The following PCNX1 variants were observed in gnomAD, a reference collection of about 807,000 sequenced individuals.
The protein encoded by PCNX1 is pecanex 1.
PCNX1 carries 78 observed loss-of-function variants against 242.2 expected under a neutral mutation model. The observed-to-expected ratio is 0.32, with a 90% CI of 0.27 to 0.39. The LOEUF is 0.39. Ranked by LOEUF, PCNX1 falls within the 10% of genes least tolerant of loss-of-function variation. The pLI is 1.00. For missense variants in PCNX1, 2,581 were observed against 2,856.5 expected, an observed-to-expected ratio of 0.90 and a Z score of 2.20; for synonymous variants, 1,024 against 1,032.9, an observed-to-expected ratio of 0.99 and a Z score of 0.17.
In PCNX1 at chr14:71,077,384, A is replaced by G. The variant is rs143826024; in HGVS notation, c.5337+965A>G. Among the ~76,000 whole-genome samples, 176 of 152,344 alleles carry G rather than the reference A, an allele frequency of 1.2e-3. 1 individual carries two copies. Among genetic ancestry groups the G allele is most frequent in the African/African-American group, 3.8e-3 (160 of 41,580 alleles). On this transcript the variant is annotated intron_variant, in intron 28 of 35. Transcript: ENST00000304743. ...CGTATGTACAGATGTACCTGCTATCATGGAGCAGTGTGAGCTACCTTGACA... is the reference window on the plus strand; with the variant it reads ...CGTATGTACAGATGTACCTGCTATCGTGGAGCAGTGTGAGCTACCTTGACA...
At chr14:71,035,961 G>A (rs913292110) in intron 18 of PCNX1, 104 bp from the exon 19 acceptor site, 1 of 722,816 alleles carries the variant, frequency 1.4e-6, no homozygotes, top group African/African-American at 1.8e-5. Context: ...GACTGAGCTA[G>A]CCAGGCAAAA....
Position 71,028,800 on chromosome 14 carries a change from T to C in PCNX1, c.3558+9T>C, listed in dbSNP as rs1475378733. The stretch of plus-strand genomic sequence containing the variant: ...GTTATGGGGCTTTAAAGGTGAGCAA[T>C]AAATTATAGTATGTTTTGTCTTTAA... On this transcript the variant is annotated intron_variant, in intron 16 of 35. Transcript: ENST00000304743. 1.3e-6 allele frequency: 2 copies of C among 1,490,122 alleles called. No individual in the cohort carries two copies. The highest frequency in any genetic ancestry group is 1.9e-6 in the Non-Finnish European group (2 of 1,079,642). 92.3% of individuals were successfully genotyped at this position (1,490,122 alleles called of 1,614,324 possible). A position where few individuals can be genotyped will look rare whatever the true frequency, so the allele number is the denominator to read the frequency against.
Position 70,978,256 on chromosome 14 carries a change from A to T in PCNX1, c.1919A>T (p.Tyr640Phe), listed in dbSNP as rs771209020. ...SHSCQSPEGR[Y>F]SALKTKHTHK... ...TCCTGTCAGTCTCCTGAGGGCAGAT[A>T]CAGTGCTCTAAAGACCAAACACACT... The change falls in exon 6 of 36, where the codon TAC (tyrosine) becomes TTC (phenylalanine). Residue 640 changes from tyrosine to phenylalanine, a missense_variant. Around this residue, in one of 9 missense-constraint regions of PCNX1, gnomAD observed 1,204 missense variants for 1,216.7 expected, o/e 0.99. Transcript: ENST00000304743. 10 of 1,614,136 alleles carry T rather than the reference A, an allele frequency of 6.2e-6. No homozygotes were observed. The highest frequency in any genetic ancestry group is 1.7e-5 in the Admixed American group (1 of 60,024).
rs563692084 is a variant in PCNX1, at chr14:70,986,931, A to G, written c.2312-1636A>G. 4.6e-5 allele frequency among the ~76,000 whole-genome samples: 7 copies of G among 152,344 alleles called. No individual in the cohort carries two copies. The South Asian group carries it at 6.2e-4, about 14-fold the overall frequency. On this transcript the variant is annotated intron_variant, in intron 6 of 35. Coordinates refer to ENST00000304743, the MANE Select transcript of PCNX1 (RefSeq NM_014982.3). ...AAATAATTCTTGAATTGAGTTTTAA[A>G]ATAGTGATTTAAATTCCATAACCTG...
chr14:70,976,614 C>T (rs1317851755), intron 5 of PCNX1, among the ~76,000 whole-genome samples: 2 of 152,184 alleles, frequency 1.3e-5, no homozygotes, highest in East Asian at 3.9e-4. Context: ...ACCTTGTGAT[C>T]CACCCACCTT....
chr14:70,957,346 A>G (rs1005054793), intron 2 of PCNX1, among the ~76,000 whole-genome samples: 1 of 152,304 alleles, frequency 6.6e-6, no homozygotes, highest in South Asian at 2.1e-4. Context: ...TGGACTTGCT[A>G]TCAAAAGTGA....
intron 30 of PCNX1, among the ~76,000 whole-genome samples, chr14:71,096,767 C>T (rs1447536887): frequency 6.6e-6 from 1 of 152,010 alleles, no homozygotes; most frequent in African/African-American, 2.4e-5. Context: ...AGGTTAGAGT[C>T]CAAGATTCTT....
chr14:71,082,097 G>T (rs1286524413), intron 28 of PCNX1, among the ~76,000 whole-genome samples: 1 of 152,102 alleles, frequency 6.6e-6, no homozygotes, highest in Non-Finnish European at 1.5e-5. Context: ...ATTTATTTCT[G>T]CCTTGATTTC....
At chr14:71,068,548 T>G (rs2141367221) in intron 26 of PCNX1, among the ~76,000 whole-genome samples, 1 of 148,966 alleles carries the variant, frequency 6.7e-6, no homozygotes. Flanking sequence ...CGTCCAGTCC[T>G]GGACTCTTTG....
intron 13 of PCNX1, among the ~76,000 whole-genome samples, chr14:71,025,067 CATT>C (rs1323475596): frequency 6.6e-6 from 1 of 152,128 alleles, no homozygotes; most frequent in East Asian, 1.9e-4. Context: ...ATTCAGTTAT[CATT>C]TATTGGTTGC....
chr14:71,113,389 G>GTAAGT lies in PCNX1; in HGVS notation c.*3456_*3460dup, dbSNP rs2062790883. ...ATACTAAATGTCAGGCAATGAAAAT[G>GTAAGT]TAAGTTTTTGTGTAGAAAACCCATT... On this transcript the variant is annotated 3_prime_UTR_variant, in exon 36 of 36. Transcript: ENST00000304743. 6.6e-6 allele frequency: 1 copy of GTAAGT among 151,566 alleles called. No individual in the cohort carries two copies. Among genetic ancestry groups the GTAAGT allele is most frequent in the Admixed American group, 6.6e-5 (1 of 15,248 alleles). The allele number at this position is 151,566 out of a possible 1,614,324, so 9.4% of individuals were successfully genotyped here.
chr14:70,955,431 T>C (rs2057954958), intron 2 of PCNX1, among the ~76,000 whole-genome samples: 1 of 152,208 alleles, frequency 6.6e-6, no homozygotes. Context: ...TGTAATGGTG[T>C]TGCAAAGTTT....
intron 32 of PCNX1, 119 bp downstream of exon 32, chr14:71,103,788 C>T (rs1045437671): frequency 1.4e-5 from 11 of 792,576 alleles, no homozygotes; most frequent in Non-Finnish European, 2.0e-6. Flanking sequence ...ACAATATGAA[C>T]CCATTATTTC....
chr14:71,051,984 C>T lies in PCNX1; in HGVS notation c.4549C>T (p.Pro1517Ser), dbSNP rs2061050240. The T allele has an allele frequency of 1.9e-6, 3 of 1,613,230 alleles. No homozygotes were observed. The highest frequency in any genetic ancestry group is 2.5e-6 in the Non-Finnish European group (3 of 1,179,490). Reference sequence around the variant, plus strand: ...AATATTCATCACTTCATATGTCCGACCTGTGAAATTCTGGGAGAGAGACTA... The same window carrying T: ...AATATTCATCACTTCATATGTCCGATCTGTGAAATTCTGGGAGAGAGACTA... ...SAIFITSYVR[P>S]VKFWERDYNT... The change falls in exon 24 of 36, where the codon CCT becomes TCT. Residue 1517 changes from proline to serine, a missense_variant. Pro to Ser is a moderately conservative substitution (Grantham distance 74). Around this residue, in one of 9 missense-constraint regions of PCNX1, gnomAD observed 99 missense variants for 147.3 expected, o/e 0.67. Coordinates refer to ENST00000304743, the MANE Select transcript of PCNX1 (RefSeq NM_014982.3).
At chr14:71,086,143 G>A (rs548734179) in intron 28 of PCNX1, among the ~76,000 whole-genome samples, 24 of 152,160 alleles carry the variant, frequency 1.6e-4, no homozygotes, top group Admixed American at 1.4e-3. Flanking sequence ...GCTTCATTTT[G>A]TGTCTCTAGA....
intron 5 of PCNX1, among the ~76,000 whole-genome samples, chr14:70,975,141 G>C (rs12892577): frequency 6.6e-6 from 1 of 151,968 alleles, no homozygotes; most frequent in Non-Finnish European, 1.5e-5. Context: ...GCTCAGAGTC[G>C]ATAAGTTTTC....
In PCNX1 at chr14:71,046,957, T is replaced by G; in HGVS notation, c.4019-7T>G. ...ACATGTAGTCTTGATTTATACTGCCTTGTTAGATGCAGCCACTATGATGTG... is the reference window on the plus strand; with the variant it reads ...ACATGTAGTCTTGATTTATACTGCCGTGTTAGATGCAGCCACTATGATGTG... On this transcript the variant is annotated splice_region_variant and splice_polypyrimidine_tract_variant and intron_variant, in intron 20 of 35. Coordinates refer to ENST00000304743, the MANE Select transcript of PCNX1 (RefSeq NM_014982.3). 1 of 1,603,924 alleles carries G rather than the reference T, an allele frequency of 6.2e-7. No homozygotes were observed. Among genetic ancestry groups the G allele is most frequent in the Non-Finnish European group, 8.5e-7 (1 of 1,175,256 alleles).
intron 35 of PCNX1, 101 bp from the exon 36 acceptor site, chr14:71,109,694 T>C: frequency 6.4e-7 from 1 of 1,574,094 alleles, no homozygotes; most frequent in South Asian, 1.1e-5. Flanking sequence ...ACGTATAATT[T>C]TCAGACAAAA....
intron 16 of PCNX1, among the ~76,000 whole-genome samples, chr14:71,031,201 C>T (rs763001711): frequency 1.3e-5 from 2 of 152,186 alleles, no homozygotes; most frequent in Non-Finnish European, 2.9e-5. Flanking sequence ...TGCAAATATG[C>T]AAATGGAGAA....
Sources: gnomAD v4.1 joint callset for allele counts (sites outside exome capture counted in the v4.1 genomes callset) on GRCh38, gnomAD v4.1.1 for gene constraint, gnomAD v4.1.1 regional missense constraint, MANE v1.5 for transcripts, NCBI Gene and HGNC (gene_info 2026-07-23, HGNC 2026-07-21) for gene names.